The following MRPS11 variants were observed in gnomAD, a reference collection of about 807,000 sequenced individuals.
MRPS11 encodes mitochondrial ribosomal protein S11, also known as small ribosomal subunit protein uS11m.
In MRPS11, 27 loss-of-function variants were observed where a neutral mutation model predicts 24.3. That is an observed-to-expected ratio of 1.11 (90% confidence interval 0.82 to 1.53). The LOEUF (loss-of-function observed/expected upper bound fraction) is 1.53, where lower values mean the gene tolerates loss of function less well. Ranked by LOEUF, MRPS11 falls within the 40% of genes most tolerant of loss-of-function variation. The pLI is 0.00. For missense variants in MRPS11, 277 were observed against 256.5 expected (o/e 1.08, Z -0.55); for synonymous variants, 104 against 98.7 (o/e 1.05, Z -0.32).
intron 2 of MRPS11, among the ~76,000 whole-genome samples, chr15:88,470,176 G>A (rs923503592): frequency 2.0e-5 from 3 of 152,152 alleles, no homozygotes; most frequent in African/African-American, 7.2e-5. Flanking sequence ...TTAGCCAGGT[G>A]TGGTGGCGTG....
rs1448190690 is a variant in MRPS11 at position 88,475,097 on chromosome 15, C to G, written c.282-13C>G. The G allele has an allele frequency of 6.2e-7, 1 of 1,614,054 alleles. No individual in the cohort carries two copies. Among genetic ancestry groups the G allele is most frequent in the Non-Finnish European group, 8.5e-7 (1 of 1,179,924 alleles). The stretch of plus-strand genomic sequence containing the variant: ...AAGAGTTGTATCCTATGTGCTTCTT[C>G]TACTTTTCTCAGCACACAGATCCAG... On this transcript the variant is annotated splice_polypyrimidine_tract_variant and intron_variant, in intron 3 of 5. Transcript: ENST00000325844. This position sits in a 1 kb window ranked among gnomAD's most constrained non-coding sequence, Gnocchi z 4.1.
Position 88,479,800 on chromosome 15 carries a change from G to A in MRPS11, c.*1821G>A, listed in dbSNP as rs991290341. 6.6e-6 allele frequency: 1 copy of A among 152,276 alleles called. No individual in the cohort carries two copies. Among genetic ancestry groups the A allele is most frequent in the African/African-American group, 2.4e-5 (1 of 41,474 alleles). 9.4% of individuals were successfully genotyped at this position (152,276 alleles called of 1,614,324 possible). On this transcript the variant is annotated 3_prime_UTR_variant, in exon 6 of 6. Transcript: ENST00000325844. Reference sequence around the variant, plus strand: ...ATCAGACAGTTCAATCAGGGTCTGAGCAGGAAACAGCTCACAAGGTTTAAG... The same window carrying A: ...ATCAGACAGTTCAATCAGGGTCTGAACAGGAAACAGCTCACAAGGTTTAAG...
chr15:88,477,915 C>T lies in MRPS11; in HGVS notation c.521C>T (p.Ser174Leu). 1 of 1,614,164 alleles carries T rather than the reference C, an allele frequency of 6.2e-7. No homozygotes were observed. Among genetic ancestry groups the T allele is most frequent in the Non-Finnish European group, 8.5e-7 (1 of 1,180,024 alleles). The part of the protein sequence containing the change: ...GLIMGGLEVI[S>L]ITDNTPIPHN... ...ATCATGGGCGGCCTGGAAGTGATCT[C>T]AATCACAGACAACACCCCAATCCCA... is the stretch of plus-strand genomic sequence containing the variant. The change falls in exon 6 of 6, where the codon TCA becomes TTA. Residue 174 changes from serine to leucine, a missense_variant. Transcript: ENST00000325844. This position sits in a 1 kb window ranked among gnomAD's most constrained non-coding sequence, Gnocchi z 5.7.
At chr15:88,473,106 T>C (rs958293347) in intron 3 of MRPS11, among the ~76,000 whole-genome samples, 2 of 152,186 alleles carry the variant, frequency 1.3e-5, no homozygotes, top group Non-Finnish European at 2.9e-5. Flanking sequence ...ATTCAAGATA[T>C]TAATATGATT....
chr15:88,467,735 C>A lies in MRPS11; in HGVS notation c.18C>A (p.Asn6Lys). The change falls in exon 1 of 6, where the codon AAC (asparagine) becomes AAA (lysine). Residue 6 changes from asparagine (N) to lysine (K), a missense_variant. Coordinates refer to ENST00000325844, the MANE Select transcript of MRPS11 (RefSeq NM_022839.5). Reference protein sequence around the residue: MQAVRNAGSRFLRSWT... With the variant: MQAVRKAGSRFLRSWT... ...TTCAAGTCATGCAGGCTGTGAGAAA[C>A]GCGGGGTCGCGGTTCCTGCGGTCCT... The A allele has an allele frequency of 6.2e-7, 1 of 1,614,080 alleles. No homozygotes were observed. Among genetic ancestry groups the A allele is most frequent in the South Asian group, 1.1e-5 (1 of 91,088 alleles).
chr15:88,472,581 T>G, intron 2 of MRPS11, 46 bp from the exon 3 acceptor site: 1 of 1,524,756 alleles, frequency 6.6e-7, no homozygotes, highest in Non-Finnish European at 9.0e-7. Flanking sequence ...CTTTGATTTT[T>G]AAAAAGTCGA....
intron 4 of MRPS11, among the ~76,000 whole-genome samples, chr15:88,476,027 A>G (rs1317246007): frequency 6.6e-6 from 1 of 152,182 alleles, no homozygotes; most frequent in Non-Finnish European, 1.5e-5. Context: ...TGGAGAGGAC[A>G]TAGTATCGTG....
intron 2 of MRPS11, chr15:88,468,393 A>AGGGC: frequency 9.0e-7 from 1 of 1,105,918 alleles, no homozygotes; most frequent in East Asian, 6.5e-5. Context: ...GATGGAACAG[A>AGGGC]TGTTCCTGCA....
At chr15:88,471,689 C>T (rs1374237089) in intron 2 of MRPS11, among the ~76,000 whole-genome samples, 1 of 152,144 alleles carries the variant, frequency 6.6e-6, no homozygotes, top group African/African-American at 2.4e-5. Context: ...TTAAGGCATT[C>T]TTAATTGTAT....
chr15:88,474,973 G>A, intron 3 of MRPS11, 137 bp from the exon 4 acceptor site: 1 of 1,002,836 alleles, frequency 1.0e-6, no homozygotes. Flanking sequence ...TTCAAAACAT[G>A]TTCATCTGAG....
At chr15:88,474,256 G>A (rs929392264) in intron 3 of MRPS11, among the ~76,000 whole-genome samples, 1 of 152,230 alleles carries the variant, frequency 6.6e-6, no homozygotes, top group Non-Finnish European at 1.5e-5. Flanking sequence ...AGTGTCATAA[G>A]CATCAAAAGT....
At chr15:88,472,394 C>T (rs1361223818) in intron 2 of MRPS11, 5 of 431,286 alleles carry the variant, frequency 1.2e-5, no homozygotes, top group African/African-American at 2.0e-5. Context: ...AATCCCTTCT[C>T]ATAGCGGAAA....
chr15:88,477,610 G>A lies in MRPS11; in HGVS notation c.478-262G>A, dbSNP rs761555421. Among the ~76,000 whole-genome samples the A allele has an allele frequency of 1.1e-4, 17 of 152,182 alleles. No individual in the cohort carries two copies. The highest frequency in any genetic ancestry group is 1.9e-4 in the Non-Finnish European group (13 of 68,034). On this transcript the variant is annotated intron_variant, in intron 5 of 5. Coordinates refer to ENST00000325844, the MANE Select transcript of MRPS11 (RefSeq NM_022839.5). The surrounding 1 kb of genome is among the most constrained non-coding windows in gnomAD (Gnocchi z 5.7). ...GTGCCAAGGTCTACAAGAAGTCTTT[G>A]TTCGCAGATCGTAAAGTGCAAAGTG... is the stretch of plus-strand genomic sequence containing the variant.
Position 88,475,132 on chromosome 15 carries a change from G to A in MRPS11, c.304G>A (p.Ala102Thr). 6.2e-7 allele frequency: 1 copy of A among 1,614,202 alleles called. No individual in the cohort carries two copies. Among genetic ancestry groups the A allele is most frequent in the Non-Finnish European group, 8.5e-7 (1 of 1,180,040 alleles). Residue 102 changes from alanine (A) to threonine (T), a missense_variant, in exon 4 of 6, where the codon GCT becomes ACT. Coordinates refer to ENST00000325844, the MANE Select transcript of MRPS11 (RefSeq NM_022839.5). The surrounding 1 kb of genome is among the most constrained non-coding windows in gnomAD (Gnocchi z 4.1). ...HNNTQIQVVS[A>T]SNEPLAFASC... The stretch of plus-strand genomic sequence containing the variant: ...CAGCACACAGATCCAGGTAGTCTCT[G>A]CTAGTAATGAGCCCCTTGCCTTTGC...
rs761577297 is a variant in MRPS11 at position 88,467,947 on chromosome 15, A to G, written c.105A>G (p.Thr35=). ...VARTPAGTIC[T]GARQLQDAAA... is the part of the protein sequence containing the mutation. ...GAACGCCGGCCGGGACCATCTGCAC[A>G]GGCGCTCGACAGCTCCAAGACGCTG... The change falls in exon 2 of 6, where the codon ACA becomes ACG. Residue 35 remains threonine, a synonymous_variant. Transcript: ENST00000325844. The G allele has an allele frequency of 8.1e-6, 13 of 1,613,438 alleles. No homozygotes were observed. The South Asian group carries it at 1.2e-4, about 15-fold the overall frequency.
intron 2 of MRPS11, among the ~76,000 whole-genome samples, chr15:88,470,478 G>A (rs1343786285): frequency 2.0e-5 from 3 of 152,176 alleles, no homozygotes; most frequent in Admixed American, 2.0e-4. Context: ...ACTGAACCCT[G>A]GGGCGCTTTC....
Position 88,469,476 on chromosome 15 carries a change from G to C in MRPS11, c.182+1452G>C, listed in dbSNP as rs773092079. Among the ~76,000 whole-genome samples the C allele has an allele frequency of 1.1e-4, 17 of 152,192 alleles. 1 individual carries two copies. Among genetic ancestry groups the C allele is most frequent in the Non-Finnish European group, 4.4e-5 (3 of 68,036 alleles). On this transcript the variant is annotated intron_variant, in intron 2 of 5. Transcript: ENST00000325844. This position sits in a 1 kb window ranked among gnomAD's most constrained non-coding sequence, Gnocchi z 4.4. ...ACAGTAAATAGAAAACAAGTAAAAT[G>C]TAGGAGTATAACGGTTGGAAAGGGG...
Position 88,475,253 on chromosome 15 carries a change from C to A in MRPS11, c.411+14C>A, listed in dbSNP as rs536569373. 4.6e-5 allele frequency: 75 copies of A among 1,613,864 alleles called. No homozygotes were observed. Among genetic ancestry groups the A allele is most frequent in the Non-Finnish European group, 6.1e-5 (72 of 1,179,950 alleles). On this transcript the variant is annotated intron_variant, in intron 4 of 5. Coordinates refer to ENST00000325844, the MANE Select transcript of MRPS11 (RefSeq NM_022839.5). This position sits in a 1 kb window ranked among gnomAD's most constrained non-coding sequence, Gnocchi z 4.1. ...GCCGCAGCGGCGGTAAGTGTGTGTT[C>A]CTTCTGCTTCCTTCTAGTGTGTGTT...
rs1467801811 is a variant in MRPS11, at chr15:88,475,106, T to G, written c.282-4T>G. On this transcript the variant is annotated splice_region_variant and splice_polypyrimidine_tract_variant and intron_variant, in intron 3 of 5. Transcript: ENST00000325844. This position sits in a 1 kb window ranked among gnomAD's most constrained non-coding sequence, Gnocchi z 4.1. ...ATCCTATGTGCTTCTTCTACTTTTC[T>G]CAGCACACAGATCCAGGTAGTCTCT... 5 of 1,614,192 alleles carry G rather than the reference T, an allele frequency of 3.1e-6. No individual in the cohort carries two copies. The highest frequency in any genetic ancestry group is 4.2e-6 in the Non-Finnish European group (5 of 1,180,010).
Sources: allele counts gnomAD v4.1 joint callset (sites outside exome capture counted in the v4.1 genomes callset), GRCh38; gene constraint gnomAD v4.1.1; non-coding constraint Gnocchi (gnomAD v3.1); transcripts MANE v1.5; gene names NCBI Gene and HGNC (gene_info 2026-07-23, HGNC 2026-07-21).